Variants in SH3BP5 observed in about 807,000 individuals in gnomAD.
SH3BP5 encodes SH3 domain binding protein 5, also known as SH3 domain-binding protein 5.
SH3BP5 carries 22 observed loss-of-function variants against 43.3 expected under a neutral mutation model. The observed-to-expected ratio is 0.51, with a 90% confidence interval of 0.36 to 0.73. The LOEUF is 0.73. Among genes scored for constraint, SH3BP5 ranks in the 30% least tolerant of loss-of-function variants. The pLI, the probability that SH3BP5 is intolerant of heterozygous loss-of-function variation, is 0.00. For synonymous variants in SH3BP5, 255 were observed against 225.8 expected (o/e 1.13, Z -1.16); for missense variants, 529 against 586.9 (o/e 0.90, Z 1.02).
At chr3:15,316,014 C>G (rs1372557515) in intron 2 of SH3BP5, among the ~76,000 whole-genome samples, 5 of 152,052 alleles carry the variant, frequency 3.3e-5, no homozygotes, top group Non-Finnish European at 7.4e-5. Flanking sequence ...CAACTTTCTC[C>G]AAATTGCATC....
rs543082482 is a variant in SH3BP5, at chr3:15,272,759, C to T, written c.331-2882G>A. On this transcript the variant is annotated intron_variant, in intron 3 of 8. Coordinates refer to ENST00000383791, the MANE Select transcript of SH3BP5 (RefSeq NM_004844.5). ...CCTCAGATCAAATTTTTAAAAAGGA[C>T]TCCAGTGAAGACCTTGAATGAATGC... 1.3e-4 allele frequency among the ~76,000 whole-genome samples: 20 copies of T among 152,258 alleles called. No homozygotes were observed. The South Asian group carries it at 3.5e-3, about 27-fold the overall frequency.
At chr3:15,266,897 C>T (rs1221509011) in intron 4 of SH3BP5, among the ~76,000 whole-genome samples, 2 of 152,230 alleles carry the variant, frequency 1.3e-5, no homozygotes, top group Non-Finnish European at 2.9e-5. Flanking sequence ...ATCTTGGGCA[C>T]GTTACGTGGG....
chr3:15,291,055 T>G (rs1226948420), intron 3 of SH3BP5, among the ~76,000 whole-genome samples: 2 of 152,148 alleles, frequency 1.3e-5, no homozygotes, highest in African/African-American at 4.8e-5. Context: ...TGACCAGCTC[T>G]CAGCAAAACC....
intron 2 of SH3BP5, among the ~76,000 whole-genome samples, chr3:15,306,063 A>AAAAAAAAGAG (rs1407014068): frequency 6.6e-6 from 1 of 151,380 alleles, no homozygotes; most frequent in Non-Finnish European, 1.5e-5. Context: ...TTAAAAAAAA[A>AAAAAAAAGAG]AGAGAAATGG....
chr3:15,330,594 G>A lies in SH3BP5; in HGVS notation c.139-28C>T, dbSNP rs1403501573. 5 of 1,551,436 alleles carry A rather than the reference G, an allele frequency of 3.2e-6. No individual in the cohort carries two copies. In the South Asian group the frequency reaches 6.0e-5, roughly 19 times the overall value. ...GGTGAAGAAAAGAGGGAGAAAAAAA[G>A]ACTTAAGGGATCCGTCTTTTGTTTC... On this transcript the variant is annotated intron_variant, in intron 1 of 8. Transcript: ENST00000383791.
At chr3:15,298,603 G>A (rs928446770) in intron 3 of SH3BP5, among the ~76,000 whole-genome samples, 7 of 152,152 alleles carry the variant, frequency 4.6e-5, no homozygotes, top group Non-Finnish European at 8.8e-5. Flanking sequence ...TAAATAAAAC[G>A]TGGTATATAC....
intron 1 of SH3BP5, among the ~76,000 whole-genome samples, chr3:15,340,178 A>G (rs1338011778): frequency 6.6e-6 from 1 of 152,204 alleles, no homozygotes; most frequent in East Asian, 1.9e-4. Flanking sequence ...GGTACAGGAA[A>G]AGGCCACTTA....
chr3:15,340,037 G>T (rs1011701353), intron 1 of SH3BP5, among the ~76,000 whole-genome samples: 1 of 152,072 alleles, frequency 6.6e-6, no homozygotes, highest in Non-Finnish European at 1.5e-5. Context: ...GAAGAAAAAT[G>T]ACTCATCACC....
intron 2 of SH3BP5, among the ~76,000 whole-genome samples, chr3:15,326,686 G>C (rs921034549): frequency 6.6e-6 from 1 of 152,172 alleles, no homozygotes; most frequent in Non-Finnish European, 1.5e-5. Flanking sequence ...CCTGCTTTCA[G>C]TGCCCATCCT....
rs1559449239 is a variant in SH3BP5 at position 15,304,100 on chromosome 3, T to G, written c.330+3A>C. On this transcript the variant is annotated splice_donor_region_variant and intron_variant, in intron 3 of 8. Transcript: ENST00000383791. ...AGGGGAGACATCTATGGGGCTATCTTACCTGCCTCGCCACCCTCCGTGCCT... is the reference window on the plus strand; with the variant it reads ...AGGGGAGACATCTATGGGGCTATCTGACCTGCCTCGCCACCCTCCGTGCCT... The G allele has an allele frequency of 1.2e-6, 2 of 1,613,650 alleles. No homozygotes were observed. Among genetic ancestry groups the G allele is most frequent in the East Asian group, 4.5e-5 (2 of 44,872 alleles).
At chr3:15,265,052 A>C (rs1046494161) in intron 4 of SH3BP5, among the ~76,000 whole-genome samples, 5 of 151,918 alleles carry the variant, frequency 3.3e-5, no homozygotes, top group Non-Finnish European at 7.4e-5. Context: ...GGCTGCAAGC[A>C]GAAGCACAGG....
intron 4 of SH3BP5, among the ~76,000 whole-genome samples, chr3:15,269,194 G>A (rs538194198): frequency 1.3e-5 from 2 of 152,074 alleles, no homozygotes; most frequent in African/African-American, 2.4e-5. Flanking sequence ...CACACAGTCC[G>A]CTTCCTCTGT....
In SH3BP5 at chr3:15,255,964, T is replaced by C. The variant is rs1000601531; in HGVS notation, c.*122A>G. Reference sequence around the variant, plus strand: ...CTTTAGCCCTCAAGGTCACTGAAACTTCATTAGAGCAGTTTAGAGTAGACG... The same window carrying C: ...CTTTAGCCCTCAAGGTCACTGAAACCTCATTAGAGCAGTTTAGAGTAGACG... On this transcript the variant is annotated 3_prime_UTR_variant, in exon 9 of 9. Coordinates refer to ENST00000383791, the MANE Select transcript of SH3BP5 (RefSeq NM_004844.5). 3 of 864,762 alleles carry C rather than the reference T, an allele frequency of 3.5e-6. No homozygotes were observed. The highest frequency in any genetic ancestry group is 5.5e-6 in the Non-Finnish European group (3 of 546,532). The allele number at this position is 864,762 out of a possible 1,614,324, so 53.6% of individuals were successfully genotyped here. A position where few individuals can be genotyped will look rare whatever the true frequency, so the allele number is the denominator to read the frequency against.
chr3:15,331,968 CCCCCTTTTT>C, intron 1 of SH3BP5: 1 of 327,372 alleles, frequency 3.1e-6, no homozygotes, highest in East Asian at 6.2e-5. Flanking sequence ...GGCGCCCCCG[CCCCCTTTTT>C]CCCTTTGTTG....
At chr3:15,294,218 C>A (rs1697496341) in intron 3 of SH3BP5, among the ~76,000 whole-genome samples, 1 of 151,708 alleles carries the variant, frequency 6.6e-6, no homozygotes, top group African/African-American at 2.4e-5. Context: ...ACAGCCTCAA[C>A]AAATCAGGGC....
intron 3 of SH3BP5, among the ~76,000 whole-genome samples, chr3:15,270,122 T>A (rs574491199): frequency 6.2e-4 from 95 of 152,184 alleles, no homozygotes; most frequent in African/African-American, 2.3e-3. Context: ...GATAAACACA[T>A]CAGCCCTTGG....
In SH3BP5 at chr3:15,259,125, G is replaced by C. The variant is rs111624351; in HGVS notation, c.670-75C>G. 6.8e-3 allele frequency: 8,147 copies of C among 1,198,570 alleles called. 50 individuals carry two copies. Among genetic ancestry groups the C allele is most frequent in the Non-Finnish European group, 8.9e-3 (7,245 of 818,602 alleles). 74.2% of individuals were successfully genotyped at this position (1,198,570 alleles called of 1,614,324 possible). ...GATGCTTTCTGAATGACAGGTTCAA[G>C]TACATTTTCTGCCCATCATTCTACT... is the stretch of plus-strand genomic sequence containing the variant. On this transcript the variant is annotated intron_variant, in intron 6 of 8. Coordinates refer to ENST00000383791, the MANE Select transcript of SH3BP5 (RefSeq NM_004844.5).
intron 5 of SH3BP5, among the ~76,000 whole-genome samples, 171 bp downstream of exon 5, chr3:15,261,988 C>T (rs1696459260): frequency 1.3e-5 from 2 of 152,112 alleles, no homozygotes; most frequent in South Asian, 2.1e-4. Flanking sequence ...TTCTGGGGGT[C>T]ATAGAATATT....
chr3:15,290,883 C>T (rs906692504), intron 3 of SH3BP5, among the ~76,000 whole-genome samples: 2 of 151,954 alleles, frequency 1.3e-5, no homozygotes, highest in East Asian at 1.9e-4. Context: ...TAAAGGCCAT[C>T]GAGAATGGAG....
Sources: allele counts gnomAD v4.1 joint callset (sites outside exome capture counted in the v4.1 genomes callset), GRCh38; gene constraint gnomAD v4.1.1; transcripts MANE v1.5; gene names NCBI Gene and HGNC (gene_info 2026-07-23, HGNC 2026-07-21).